Variants in FHIT observed in about 807,000 individuals in gnomAD.
FHIT encodes the protein fragile histidine triad diadenosine triphosphatase, also known as bis(5'-adenosyl)-triphosphatase.
In FHIT, 19 loss-of-function variants were observed where a neutral mutation model predicts 17.9. The ratio of observed to expected loss-of-function variants is 1.06; its 90% CI spans 0.74 to 1.56. FHIT has a LOEUF of 1.56. Ranked by LOEUF, FHIT falls within the 40% of genes most tolerant of loss-of-function variation. The pLI, the probability that FHIT is intolerant of heterozygous loss-of-function variation, is 0.00. For missense variants in FHIT, 248 were observed against 189.2 expected (o/e 1.31, Z -1.82); for synonymous variants, 81 against 69.7 (o/e 1.16, Z -0.81).
At position 60,830,310 on chromosome 3, in the gene FHIT, T is replaced by G. The variant is rs188824996; in HGVS notation, c.-110-8299A>C. On this transcript the variant is annotated intron_variant, in intron 3 of 9. Transcript: ENST00000492590. ...CTTCCCTACACTTACTTTTCTGTAG[T>G]CTCCAGGTTCAGAGGAAAGAACTCA... 2.4e-3 allele frequency among the ~76,000 whole-genome samples: 362 copies of G among 152,216 alleles called. 2 individuals carry two copies. Among genetic ancestry groups the G allele is most frequent in the African/African-American group, 8.5e-3 (351 of 41,528 alleles).
intron 8 of FHIT, among the ~76,000 whole-genome samples, chr3:59,898,785 A>G (rs9884086): frequency 0.13 from 19,641 of 152,124 alleles, 1,826 homozygotes; most frequent in African/African-American, 0.26. Context: ...TCTCACCGAC[A>G]TTAGTAAAAT....
chr3:60,243,114 T>C (rs1282565949), intron 5 of FHIT, among the ~76,000 whole-genome samples: 3 of 151,766 alleles, frequency 2.0e-5, no homozygotes, highest in Non-Finnish European at 4.4e-5. Context: ...ACACTGAATA[T>C]GAAGCAAATG....
In FHIT at chr3:60,173,898, TATATATATATA is replaced by T. The variant is rs1559698513; in HGVS notation, c.104-159757_104-159747del. 6.7e-5 allele frequency among the ~76,000 whole-genome samples: 5 copies of T among 74,794 alleles called. No individual in the cohort carries two copies. In the East Asian group the frequency reaches 2.1e-3, roughly 31 times the overall value. 49.1% of individuals were successfully genotyped at this position (74,794 alleles called of 152,430 possible). A position where few individuals can be genotyped will look rare whatever the true frequency, so the allele number is the denominator to read the frequency against. ...TCCATGTTTCTAATATATATATATA[TATATATATATA>T]TATATATGTTTTTTTTTTTTTTTGA... is the stretch of plus-strand genomic sequence containing the variant. On this transcript the variant is annotated intron_variant, in intron 5 of 9. Coordinates refer to ENST00000492590, the MANE Select transcript of FHIT (RefSeq NM_002012.4).
At position 61,224,455 on chromosome 3, in the gene FHIT, C is replaced by T. The variant is rs181981282; in HGVS notation, c.-212-23790G>A. Among the ~76,000 whole-genome samples, 43 of 152,220 alleles carry T rather than the reference C, an allele frequency of 2.8e-4. No individual in the cohort carries two copies. In the East Asian group the frequency reaches 4.2e-3, roughly 15 times the overall value. Reference sequence around the variant, plus strand: ...TATTGACATGGAATCTCATTCTTATCGCCCAGGCTGGAATGCAACGATATG... The same window carrying T: ...TATTGACATGGAATCTCATTCTTATTGCCCAGGCTGGAATGCAACGATATG... On this transcript the variant is annotated intron_variant, in intron 1 of 9. Transcript: ENST00000492590.
At chr3:59,755,529 A>G (rs1701170510) in intron 8 of FHIT, among the ~76,000 whole-genome samples, 1 of 152,212 alleles carries the variant, frequency 6.6e-6, no homozygotes, top group Non-Finnish European at 1.5e-5. Context: ...GTGAACTTTA[A>G]TGGAGGAGTT....
intron 5 of FHIT, among the ~76,000 whole-genome samples, chr3:60,114,911 G>C (rs1361344846): frequency 6.6e-6 from 1 of 152,164 alleles, no homozygotes; most frequent in African/African-American, 2.4e-5. Context: ...ATAGTATACT[G>C]AAAAGCCGCT....
chr3:61,051,882 T>C (rs550927956), intron 2 of FHIT, among the ~76,000 whole-genome samples: 1 of 152,292 alleles, frequency 6.6e-6, no homozygotes, highest in South Asian at 2.1e-4. Context: ...TGAGTAAGAA[T>C]GCACATCTGT....
chr3:60,023,928 C>T (rs906988143), intron 5 of FHIT, among the ~76,000 whole-genome samples: 2 of 151,624 alleles, frequency 1.3e-5, no homozygotes, highest in African/African-American at 4.9e-5. Flanking sequence ...CTTAAAAGAC[C>T]AGTGAACCAG....
intron 8 of FHIT, among the ~76,000 whole-genome samples, chr3:59,773,909 G>A (rs1264697591): frequency 6.6e-6 from 1 of 152,130 alleles, no homozygotes; most frequent in East Asian, 1.9e-4. Flanking sequence ...AGATTTAGGA[G>A]ACACTGTGAA....
intron 8 of FHIT, among the ~76,000 whole-genome samples, chr3:59,822,620 A>G (rs575976890): frequency 1.3e-5 from 2 of 151,950 alleles, no homozygotes; most frequent in East Asian, 3.9e-4. Flanking sequence ...GTCTATTTAC[A>G]TCCTTAGCCC....
intron 7 of FHIT, among the ~76,000 whole-genome samples, chr3:60,007,292 C>G (rs544317411): frequency 1.3e-5 from 2 of 152,278 alleles, no homozygotes; most frequent in South Asian, 4.1e-4. Context: ...CATTTTGGAA[C>G]ATGATTTGAG....
rs1708629817 is a variant in FHIT, at chr3:60,946,124, CAGG to C, written c.-111+95920_-111+95922del. Among the ~76,000 whole-genome samples, 3 of 152,118 alleles carry C rather than the reference CAGG, an allele frequency of 2.0e-5. No homozygotes were observed. The South Asian group carries it at 6.2e-4, about 31-fold the overall frequency. On this transcript the variant is annotated intron_variant, in intron 3 of 9. Coordinates refer to ENST00000492590, the MANE Select transcript of FHIT (RefSeq NM_002012.4). ...CTGAGCAAGGAGGAAAGTGAGGATACAGGAGGATGACGGATTGTACATAAATCC... is the reference window on the plus strand; with the variant it reads ...CTGAGCAAGGAGGAAAGTGAGGATACAGGATGACGGATTGTACATAAATCC...
chr3:60,604,352 G>T (rs2038540822), intron 4 of FHIT, among the ~76,000 whole-genome samples: 1 of 152,074 alleles, frequency 6.6e-6, no homozygotes, highest in South Asian at 2.1e-4. Flanking sequence ...CGTGGAAATG[G>T]GATTTCAACC....
chr3:61,239,762 C>CAGATATATATATATATATATATATAT (rs2040324269), intron 1 of FHIT, among the ~76,000 whole-genome samples: 1 of 108,300 alleles, frequency 9.2e-6, no homozygotes, highest in Admixed American at 9.9e-5. Context: ...AACAACTGGC[C>CAGATATATATATATATATATATATAT]ATATATATAT....
intron 5 of FHIT, among the ~76,000 whole-genome samples, chr3:60,505,244 C>T (rs1158464165): frequency 6.6e-6 from 1 of 152,126 alleles, no homozygotes; most frequent in Non-Finnish European, 1.5e-5. Flanking sequence ...TCTGCTATGG[C>T]TAAGTAGTTA....
At chr3:60,194,244 G>C (rs922956798) in intron 5 of FHIT, among the ~76,000 whole-genome samples, 1 of 152,056 alleles carries the variant, frequency 6.6e-6, no homozygotes, top group Non-Finnish European at 1.5e-5. Flanking sequence ...TAGATTTATA[G>C]GCCAATGGAA....
intron 4 of FHIT, among the ~76,000 whole-genome samples, chr3:60,819,942 C>T (rs1390299539): frequency 6.6e-6 from 1 of 151,992 alleles, no homozygotes; most frequent in Non-Finnish European, 1.5e-5. Context: ...TCCTTTTTGT[C>T]AGTAATTATT....
intron 3 of FHIT, among the ~76,000 whole-genome samples, chr3:60,849,443 T>TATATATATATATATATATATATATATAG (rs1703055547): frequency 1.1e-5 from 1 of 89,422 alleles, no homozygotes; most frequent in African/African-American, 4.6e-5. Flanking sequence ...AAAAATGAAA[T>TATATATATATATATATATATATATATAG]ATATATATAT....
chr3:60,811,446 C>T (rs1351112231), intron 4 of FHIT, among the ~76,000 whole-genome samples: 1 of 152,158 alleles, frequency 6.6e-6, no homozygotes, highest in Non-Finnish European at 1.5e-5. Context: ...CTTTGCTCTG[C>T]TTGTCAGAAA....
Sources: gnomAD v4.1 joint callset for allele counts (sites outside exome capture counted in the v4.1 genomes callset) on GRCh38, gnomAD v4.1.1 for gene constraint, MANE v1.5 for transcripts, NCBI Gene and HGNC (gene_info 2026-07-23, HGNC 2026-07-21) for gene names.